Variants in ARHGEF38 observed in about 807,000 individuals in gnomAD.
ARHGEF38 encodes Rho guanine nucleotide exchange factor 38.
A neutral mutation model predicts 79.9 loss-of-function variants in ARHGEF38; 79 were observed. The observed-to-expected ratio is 0.99, with a 90% confidence interval of 0.82 to 1.19. ARHGEF38 has a LOEUF of 1.19. Among genes scored for constraint, ARHGEF38 ranks in the 50% most tolerant of loss-of-function variants. The probability of loss-of-function intolerance (pLI) is 0.00; values close to 1 mark genes in which losing one functional copy is unlikely to be tolerated. For missense variants in ARHGEF38, 962 were observed against 907.2 expected, an observed-to-expected ratio of 1.06 and a Z score of -0.78; for synonymous variants, 366 against 328.3, an observed-to-expected ratio of 1.11 and a Z score of -1.24.
At chr4:105,590,345 A>C (rs1173127149) in intron 2 of ARHGEF38, among the ~76,000 whole-genome samples, 1 of 152,182 alleles carries the variant, frequency 6.6e-6, no homozygotes, top group Admixed American at 6.5e-5. Flanking sequence ...TAAATACACA[A>C]ATCAAACAAT....
intron 9 of ARHGEF38, among the ~76,000 whole-genome samples, chr4:105,657,490 A>G (rs992602132): frequency 6.6e-6 from 1 of 152,170 alleles, no homozygotes. Flanking sequence ...TGAGTAATAC[A>G]TATCTACACT....
chr4:105,643,550 G>A (rs976046476), intron 5 of ARHGEF38, among the ~76,000 whole-genome samples: 10 of 152,112 alleles, frequency 6.6e-5, no homozygotes, highest in African/African-American at 9.7e-5. Flanking sequence ...TGGAAAAAAC[G>A]TTCGGTATAA....
chr4:105,668,367 A>C (rs1006949252), intron 13 of ARHGEF38, among the ~76,000 whole-genome samples: 1 of 151,888 alleles, frequency 6.6e-6, no homozygotes, highest in African/African-American at 2.4e-5. Context: ...TTTTTAGTAG[A>C]GTTTAGTAGG....
rs1560684359 is a variant in ARHGEF38, at chr4:105,561,433, T to TGG, written c.196+8472_196+8473insGG. Among the ~76,000 whole-genome samples the TGG allele has an allele frequency of 2.2e-3, 135 of 61,430 alleles. 11 individuals are homozygous for TGG. The highest frequency in any genetic ancestry group is 3.2e-3 in the Non-Finnish European group (105 of 33,258). The allele number at this position is 61,430 out of a possible 152,430, so 40.3% of individuals were successfully genotyped here. On this transcript the variant is annotated intron_variant, in intron 1 of 13. Coordinates refer to ENST00000420470, the MANE Select transcript of ARHGEF38 (RefSeq NM_001242729.2). ...TAGAATAGAATAGAATGGAATAGAA[T>TGG]AGAATAGAATAGAATGGAATAGAAT...
At chr4:105,646,098 C>A (rs187451220) in intron 6 of ARHGEF38, among the ~76,000 whole-genome samples, 2 of 152,232 alleles carry the variant, frequency 1.3e-5, no homozygotes, top group East Asian at 1.9e-4. Context: ...ATTATTAAAT[C>A]TCAGTTTGAC....
chr4:105,654,837 AAGTT>A (rs1183893357), intron 8 of ARHGEF38, among the ~76,000 whole-genome samples: 1 of 152,148 alleles, frequency 6.6e-6, no homozygotes, highest in Non-Finnish European at 1.5e-5. Flanking sequence ...GACACATAGA[AAGTT>A]AGTAGTGTTA....
chr4:105,656,586 T>A (rs1392046478), intron 9 of ARHGEF38, among the ~76,000 whole-genome samples: 10 of 152,204 alleles, frequency 6.6e-5, no homozygotes, highest in Non-Finnish European at 1.3e-4. Context: ...TTTAATTTAG[T>A]GCCTTGTGTT....
intron 5 of ARHGEF38, among the ~76,000 whole-genome samples, chr4:105,642,793 T>C (rs1178542593): frequency 6.6e-6 from 1 of 152,160 alleles, no homozygotes; most frequent in Non-Finnish European, 1.5e-5. Context: ...ACTATTTTAT[T>C]AAAGTTGAAT....
intron 2 of ARHGEF38, among the ~76,000 whole-genome samples, chr4:105,608,829 C>A (rs892307751): frequency 2.0e-5 from 3 of 151,754 alleles, no homozygotes; most frequent in African/African-American, 7.3e-5. Context: ...AGCCTAGTAT[C>A]CATTAGTTTT....
chr4:105,655,915 T>C (rs185579928), intron 9 of ARHGEF38, among the ~76,000 whole-genome samples, 193 bp downstream of exon 9: 1 of 152,346 alleles, frequency 6.6e-6, no homozygotes, highest in African/African-American at 2.4e-5. Context: ...AGGATTTTAC[T>C]ATGATGGAAA....
chr4:105,552,727 C>A lies in ARHGEF38; in HGVS notation c.-39C>A. 2 of 1,533,740 alleles carry A rather than the reference C, an allele frequency of 1.3e-6. No individual in the cohort carries two copies. The highest frequency in any genetic ancestry group is 1.8e-6 in the Non-Finnish European group (2 of 1,128,854). ...CACCCTGAGGCACCTTAGCAATCAG[C>A]CATTGCCTGCAAGCCTCCAAAGCTT... On this transcript the variant is annotated 5_prime_UTR_variant, in exon 1 of 14. Transcript: ENST00000420470.
intron 13 of ARHGEF38, among the ~76,000 whole-genome samples, chr4:105,676,129 C>G (rs1481108711): frequency 6.6e-6 from 1 of 152,216 alleles, no homozygotes; most frequent in Non-Finnish European, 1.5e-5. Context: ...AGTCTCCTTT[C>G]CACACTACGC....
rs72967266 is a variant in ARHGEF38, at chr4:105,566,218, C to T, written c.196+13257C>T. 2.0e-3 allele frequency among the ~76,000 whole-genome samples: 305 copies of T among 152,308 alleles called. 2 individuals are homozygous for T. Among genetic ancestry groups the T allele is most frequent in the African/African-American group, 7.0e-3 (292 of 41,586 alleles). On this transcript the variant is annotated intron_variant, in intron 1 of 13. Coordinates refer to ENST00000420470, the MANE Select transcript of ARHGEF38 (RefSeq NM_001242729.2). ...CTTCAGCTGCACTAAGTTGTTTTCG[C>T]ATCTTTTTTTGCCACCAAGCCTTTA...
chr4:105,642,101 C>T (rs367679227), intron 5 of ARHGEF38, among the ~76,000 whole-genome samples: 23 of 152,238 alleles, frequency 1.5e-4, no homozygotes, highest in African/African-American at 5.5e-4. Flanking sequence ...ACACATAGGA[C>T]TCATCTGCCT....
Position 105,630,786 on chromosome 4 carries a change from TA to T in ARHGEF38, c.509-109del, listed in dbSNP as rs1729151877. On this transcript the variant is annotated intron_variant, in intron 3 of 13. Coordinates refer to ENST00000420470, the MANE Select transcript of ARHGEF38 (RefSeq NM_001242729.2). ...CCACCCTCCCTGAATAACCTGGGGA[TA>T]AAGTAGATCCCATCCAAGTTTTTGA... 9 of 862,792 alleles carry T rather than the reference TA, an allele frequency of 1.0e-5. No homozygotes were observed. The South Asian group carries it at 2.2e-4, about 21-fold the overall frequency. The allele number at this position is 862,792 out of a possible 1,614,324, so 53.4% of individuals were successfully genotyped here. A position where few individuals can be genotyped will look rare whatever the true frequency, so the allele number is the denominator to read the frequency against.
At chr4:105,614,314 C>T (rs1356441877) in intron 3 of ARHGEF38, among the ~76,000 whole-genome samples, 4 of 152,076 alleles carry the variant, frequency 2.6e-5, no homozygotes, top group South Asian at 2.1e-4. Context: ...TTCAGGAGCA[C>T]GTAGAGTAAC....
chr4:105,657,275 A>T (rs1291331118), intron 9 of ARHGEF38, among the ~76,000 whole-genome samples: 2 of 152,194 alleles, frequency 1.3e-5, no homozygotes, highest in African/African-American at 4.8e-5. Flanking sequence ...AGCATGCTCC[A>T]GACTTTGATG....
At chr4:105,641,621 GGAAATTC>G (rs1729620046) in intron 5 of ARHGEF38, among the ~76,000 whole-genome samples, 1 of 151,736 alleles carries the variant, frequency 6.6e-6, no homozygotes, top group African/African-American at 2.4e-5. Context: ...ATGAAATAAA[GGAAATTC>G]AAAGTAATAT....
At chr4:105,637,351 A>G (rs1729438989) in intron 5 of ARHGEF38, among the ~76,000 whole-genome samples, 1 of 152,144 alleles carries the variant, frequency 6.6e-6, no homozygotes, top group Non-Finnish European at 1.5e-5. Flanking sequence ...AGTCAAGTTG[A>G]GAAGCTGATT....
Sources: gnomAD v4.1 joint callset for allele counts (sites outside exome capture counted in the v4.1 genomes callset) on GRCh38, gnomAD v4.1.1 for gene constraint, MANE v1.5 for transcripts, NCBI Gene and HGNC (gene_info 2026-07-23, HGNC 2026-07-21) for gene names.